LYN: variants seen among roughly 807,000 people sequenced by gnomAD.
LYN encodes the protein LYN proto-oncogene, Src family tyrosine kinase.
Under a neutral mutation model 65.0 loss-of-function variants are expected in LYN, and 12 were observed. The ratio of observed to expected loss-of-function variants is 0.18; its 90% CI spans 0.12 to 0.30. The LOEUF (loss-of-function observed/expected upper bound fraction) is 0.30. LYN is among the 10% of genes least tolerant of loss of function. The pLI is 1.00. For synonymous variants in LYN, 222 were observed against 221.2 expected (o/e 1.00, Z -0.03); for missense variants, 380 against 623.2 (o/e 0.61, Z 4.16).
chr8:55,988,949 C>G (rs571462417), intron 10 of LYN, among the ~76,000 whole-genome samples: 143 of 151,972 alleles, frequency 9.4e-4, no homozygotes, highest in Non-Finnish European at 1.7e-3. Flanking sequence ...GCCAATTTCT[C>G]AAAAAGCGAT....
At chr8:55,929,347 T>C (rs1806196581) in intron 1 of LYN, among the ~76,000 whole-genome samples, 1 of 152,238 alleles carries the variant, frequency 6.6e-6, no homozygotes. Context: ...GTCGGGATGA[T>C]GCTTTTCTCA....
intron 1 of LYN, among the ~76,000 whole-genome samples, chr8:55,902,070 C>T (rs887903968): frequency 6.6e-6 from 1 of 151,748 alleles, no homozygotes; most frequent in East Asian, 1.9e-4. Flanking sequence ...TGCAATGGTG[C>T]GATCTTGGCT....
At chr8:55,921,260 A>G (rs1218300769) in intron 1 of LYN, among the ~76,000 whole-genome samples, 4 of 152,232 alleles carry the variant, frequency 2.6e-5, no homozygotes, top group Non-Finnish European at 5.9e-5. Context: ...TAATTCAACA[A>G]CTGGTGCTTT....
chr8:55,978,257 G>A (rs1314217312), intron 10 of LYN, among the ~76,000 whole-genome samples: 5 of 152,254 alleles, frequency 3.3e-5, no homozygotes, highest in Non-Finnish European at 5.9e-5. Flanking sequence ...CCCAGCCACC[G>A]TATACAAAAA....
intron 8 of LYN, among the ~76,000 whole-genome samples, chr8:55,959,299 G>A (rs1225278533): frequency 1.3e-5 from 2 of 152,100 alleles, no homozygotes; most frequent in Non-Finnish European, 2.9e-5. Context: ...TTGGAGAAAC[G>A]TATGTTCAAG....
intron 1 of LYN, among the ~76,000 whole-genome samples, chr8:55,929,048 A>T (rs957944992): frequency 6.6e-6 from 1 of 152,164 alleles, no homozygotes; most frequent in African/African-American, 2.4e-5. Context: ...ATTGAAAAAA[A>T]TATCCTTTCA....
rs1455670703 is a variant in LYN at position 56,011,176 on chromosome 8, C to T, written c.*1066C>T. 1 of 227,508 alleles carries T rather than the reference C, an allele frequency of 4.4e-6. No homozygotes were observed. Among genetic ancestry groups the T allele is most frequent in the African/African-American group, 2.2e-5 (1 of 44,946 alleles). 14.1% of individuals were successfully genotyped at this position (227,508 alleles called of 1,614,324 possible). On this transcript the variant is annotated 3_prime_UTR_variant, in exon 13 of 13. Transcript: ENST00000519728. ...AGCATGTGTATGAGACTATTTATACCCAAGGATATGAAGGAACATAAGTGA... is the reference window on the plus strand; with the variant it reads ...AGCATGTGTATGAGACTATTTATACTCAAGGATATGAAGGAACATAAGTGA...
chr8:55,968,694 C>T (rs1044108761), intron 9 of LYN, among the ~76,000 whole-genome samples: 3 of 152,198 alleles, frequency 2.0e-5, no homozygotes, highest in Non-Finnish European at 2.9e-5. Flanking sequence ...GATAGCATAA[C>T]GTTTACTGAG....
intron 1 of LYN, among the ~76,000 whole-genome samples, chr8:55,933,891 G>C (rs538212479): frequency 2.8e-4 from 42 of 151,476 alleles, no homozygotes; most frequent in African/African-American, 1.0e-3. Context: ...AGATGACCCT[G>C]GGTCTACCTA....
At chr8:56,007,863 TA>T (rs1344622739) in intron 12 of LYN, among the ~76,000 whole-genome samples, 1 of 152,164 alleles carries the variant, frequency 6.6e-6, no homozygotes, top group Non-Finnish European at 1.5e-5. Flanking sequence ...CTCCCGCTTT[TA>T]ATCCAGCACT....
intron 1 of LYN, among the ~76,000 whole-genome samples, chr8:55,929,967 A>T (rs1042137709): frequency 6.6e-6 from 1 of 152,200 alleles, no homozygotes; most frequent in Non-Finnish European, 1.5e-5. Context: ...TTGAGCAAGC[A>T]TTACTGCCTG....
At chr8:55,895,450 T>C (rs969207836) in intron 1 of LYN, 4 of 125,684 alleles carry the variant, frequency 3.2e-5, no homozygotes, top group African/African-American at 1.1e-4. Flanking sequence ...AACTTTGGGG[T>C]GTCTGAGGAG....
At chr8:55,912,250 T>C (rs1805657700) in intron 1 of LYN, among the ~76,000 whole-genome samples, 1 of 152,238 alleles carries the variant, frequency 6.6e-6, no homozygotes, top group Non-Finnish European at 1.5e-5. Context: ...TCATTAAGGA[T>C]GCATTGCTAG....
chr8:55,888,673 T>C (rs546725428), intron 1 of LYN, among the ~76,000 whole-genome samples: 1 of 152,308 alleles, frequency 6.6e-6, no homozygotes, highest in African/African-American at 2.4e-5. Context: ...AAGTAGGTAC[T>C]TGACACCTCC....
rs991603699 is a variant in LYN, at chr8:55,908,363, G to T, written c.-6+28260G>T. ...AGGTTCGAGTGATTCTCCTGCTGTGGCCTCCCAAGTAGCTGGGATTACAGG... is the reference window on the plus strand; with the variant it reads ...AGGTTCGAGTGATTCTCCTGCTGTGTCCTCCCAAGTAGCTGGGATTACAGG... On this transcript the variant is annotated intron_variant, in intron 1 of 12. Coordinates refer to ENST00000519728, the MANE Select transcript of LYN (RefSeq NM_002350.4). 1.5e-4 allele frequency among the ~76,000 whole-genome samples: 23 copies of T among 151,658 alleles called. No individual in the cohort carries two copies. The East Asian group carries it at 1.7e-3, about 12-fold the overall frequency.
intron 1 of LYN, among the ~76,000 whole-genome samples, chr8:55,940,985 G>T (rs1426559140): frequency 6.6e-6 from 1 of 152,138 alleles, no homozygotes; most frequent in African/African-American, 2.4e-5. Context: ...AGCTTACTCA[G>T]TAGCCCTACT....
At chr8:55,965,232 G>C (rs933299181) in intron 8 of LYN, among the ~76,000 whole-genome samples, 2 of 152,202 alleles carry the variant, frequency 1.3e-5, no homozygotes, top group African/African-American at 2.4e-5. Flanking sequence ...GTATTGCCCA[G>C]AGCGTGTTCC....
At chr8:55,882,521 G>A (rs113090201) in intron 1 of LYN, among the ~76,000 whole-genome samples, 9 of 152,158 alleles carry the variant, frequency 5.9e-5, no homozygotes, top group African/African-American at 1.9e-4. Context: ...CCACAGCAGG[G>A]AACATTGTTA....
At chr8:55,921,928 C>G (rs1805957656) in intron 1 of LYN, among the ~76,000 whole-genome samples, 1 of 152,108 alleles carries the variant, frequency 6.6e-6, no homozygotes, top group South Asian at 2.1e-4. Context: ...ACTGATAATA[C>G]AAGGGTGTGC....
Sources: allele counts gnomAD v4.1 joint callset (sites outside exome capture counted in the v4.1 genomes callset), GRCh38; gene constraint gnomAD v4.1.1; transcripts MANE v1.5; gene names NCBI Gene and HGNC (gene_info 2026-07-23, HGNC 2026-07-21).